Variants in DOCK8 observed in about 807,000 individuals in gnomAD.
DOCK8 encodes dedicator of cytokinesis 8.
Under a neutral mutation model 245.6 loss-of-function variants are expected in DOCK8, and 141 were observed. The observed-to-expected ratio is 0.57, with a 90% CI of 0.50 to 0.66. The LOEUF (loss-of-function observed/expected upper bound fraction) is 0.66. Ranked by LOEUF, DOCK8 falls within the 30% of genes least tolerant of loss-of-function variation. The pLI, the probability that DOCK8 is intolerant of heterozygous loss-of-function variation, is 0.00. For synonymous variants in DOCK8, 1,168 were observed against 970.2 expected (o/e 1.20, Z -3.79); for missense variants, 2,965 against 2,603.4 (o/e 1.14, Z -3.02).
intron 15 of DOCK8, chr9:369,898 C>T: frequency 2.9e-6 from 1 of 346,496 alleles, no homozygotes; most frequent in South Asian, 2.6e-5. Context: ...GCTTCCTAGG[C>T]TCAAGCGATC....
chr9:390,359 C>T (rs1318771835), intron 23 of DOCK8, 112 bp from the exon 24 acceptor site: 2 of 977,354 alleles, frequency 2.0e-6, no homozygotes, highest in African/African-American at 3.2e-5. Flanking sequence ...AAGACACATG[C>T]TTCAGGAACG....
At chr9:448,882 T>C (rs1421769734) in intron 44 of DOCK8, among the ~76,000 whole-genome samples, 1 of 152,174 alleles carries the variant, frequency 6.6e-6, no homozygotes, top group Non-Finnish European at 1.5e-5. Context: ...CAGAAAAGAC[T>C]CTACCCCAAA....
intron 26 of DOCK8, among the ~76,000 whole-genome samples, chr9:400,246 T>TTCA (rs2054798629): frequency 2.5e-5 from 1 of 40,238 alleles, no homozygotes; most frequent in Non-Finnish European, 4.7e-5. Flanking sequence ...CACCACCACC[T>TTCA]CCACCATCAC....
rs780984101 is a variant in DOCK8, at chr9:215,000, G to C, written c.24G>C (p.Glu8Asp). ...CCATGGCCACTCTGCCGAGCGCAGA[G>C]CGCCGCGCGTTCGCGCTCAAGATCA... Reference protein sequence around the residue: MATLPSAERRAFALKINR... With the variant: MATLPSADRRAFALKINR... The change falls in exon 1 of 48, where the codon GAG (glutamate) becomes GAC (aspartate). Residue 8 changes from glutamate (E) to aspartate (D), a missense_variant. By Grantham distance (45) the Glu-to-Asp change is conservative. Around this residue, in one of 3 missense-constraint regions of DOCK8, gnomAD observed 2,825 missense variants for 2,453.5 expected, o/e 1.15. Coordinates refer to ENST00000432829, the MANE Select transcript of DOCK8 (RefSeq NM_203447.4). 8.1e-6 allele frequency: 13 copies of C among 1,596,240 alleles called. No individual in the cohort carries two copies. In the Admixed American group the frequency reaches 1.9e-4, roughly 23 times the overall value.
At chr9:311,320 G>A (rs1005353252) in intron 5 of DOCK8, among the ~76,000 whole-genome samples, 2 of 149,842 alleles carry the variant, frequency 1.3e-5, no homozygotes, top group African/African-American at 4.9e-5. Flanking sequence ...CCTCACTGCA[G>A]CCTTGAACTC....
chr9:462,326 C>T (rs1037636851), intron 46 of DOCK8, among the ~76,000 whole-genome samples: 1 of 152,180 alleles, frequency 6.6e-6, no homozygotes, highest in Non-Finnish European at 1.5e-5. Flanking sequence ...ACATTTGTAA[C>T]TTATACTATG....
In DOCK8 at chr9:451,983, T is replaced by A. The variant is rs549394149; in HGVS notation, c.5962-28T>A. 4.0e-4 allele frequency: 45 copies of A among 112,212 alleles called. No individual in the cohort carries two copies. The East Asian group carries it at 4.9e-3, about 12-fold the overall frequency. 7.0% of individuals were successfully genotyped at this position (112,212 alleles called of 1,614,324 possible). A position where few individuals can be genotyped will look rare whatever the true frequency, so the allele number is the denominator to read the frequency against. ...TATATATATATATATATATATTTTT[T>A]TTTTTTTTTTTTTTTTTTTCCCACC... On this transcript the variant is annotated intron_variant, in intron 45 of 47. Transcript: ENST00000432829.
intron 33 of DOCK8, among the ~76,000 whole-genome samples, chr9:423,773 A>T (rs1319364282): frequency 1.3e-5 from 2 of 152,202 alleles, no homozygotes; most frequent in Admixed American, 6.5e-5. Context: ...AATGAACAAC[A>T]ACTACAAAAT....
chr9:439,159 T>C (rs2131792481), intron 39 of DOCK8, 86 bp from the exon 40 acceptor site: 9 of 1,562,226 alleles, frequency 5.8e-6, no homozygotes, highest in South Asian at 1.1e-5. Context: ...GCACACCAGC[T>C]TCCTCGTTTC....
Position 422,119 on chromosome 9 carries a change from A to G in DOCK8, c.4225A>G (p.Asn1409Asp), listed in dbSNP as rs1657021309. Residue 1409 changes from asparagine (N) to aspartate (D), a missense_variant, in exon 33 of 48, where the codon AAT (asparagine) becomes GAT (aspartate). By Grantham distance (23) the Asn-to-Asp change is conservative. This residue lies in a region of DOCK8 where 2,825 missense variants were observed against 2,453.5 expected (regional missense o/e 1.15). Coordinates refer to ENST00000432829, the MANE Select transcript of DOCK8 (RefSeq NM_203447.4). ...KKEQTHWRQANEKLDKTKAEL... is the reference protein window; with the variant it reads ...KKEQTHWRQADEKLDKTKAEL... ...AGAGCAGACACATTGGCGGCAAGCT[A>G]ATGAGAAGCTAGATAAGTGAGTCAC... 6.2e-7 allele frequency: 1 copy of G among 1,614,098 alleles called. No homozygotes were observed. The highest frequency in any genetic ancestry group is 8.5e-7 in the Non-Finnish European group (1 of 1,180,010).
In DOCK8 at chr9:426,942, A is replaced by G. The variant is rs759133807; in HGVS notation, c.4299A>G (p.Ala1433=). 1 of 1,614,184 alleles carries G rather than the reference A, an allele frequency of 6.2e-7. No individual in the cohort carries two copies. The highest frequency in any genetic ancestry group is 1.1e-5 in the South Asian group (1 of 91,078). ...TCAGTGGCAATCTGGCTACAGAAGC[A>G]CATTTAATCATCCTGGATATGCAGG... ...ALISGNLATE[A]HLIILDMQEN... is the part of the protein sequence containing the mutation. Residue 1433 remains alanine (A), a synonymous_variant, in exon 34 of 48, where the codon GCA becomes GCG. Transcript: ENST00000432829.
chr9:297,781 A>G (rs1210025492), intron 4 of DOCK8, among the ~76,000 whole-genome samples: 2 of 152,144 alleles, frequency 1.3e-5, no homozygotes, highest in African/African-American at 2.4e-5. Flanking sequence ...ACTTTCTGAG[A>G]TTTTTAAATG....
At chr9:432,032 G>A in intron 36 of DOCK8, 134 bp from the exon 37 acceptor site, 1 of 884,654 alleles carries the variant, frequency 1.1e-6, no homozygotes, top group Non-Finnish European at 1.8e-6. Flanking sequence ...ATTTCATTGA[G>A]AGAAGAGGAA....
At chr9:407,671 C>G (rs1011425031) in intron 28 of DOCK8, among the ~76,000 whole-genome samples, 1 of 152,156 alleles carries the variant, frequency 6.6e-6, no homozygotes, top group African/African-American at 2.4e-5. Context: ...TCTCCCTATG[C>G]TCCGTGAGCT....
chr9:235,218 G>T (rs1476399963), intron 1 of DOCK8, among the ~76,000 whole-genome samples: 1 of 152,170 alleles, frequency 6.6e-6, no homozygotes, highest in East Asian at 1.9e-4. Context: ...AGTGGATATT[G>T]GTGAACCGCA....
chr9:276,982 T>C (rs947055437), intron 2 of DOCK8: 2 of 323,940 alleles, frequency 6.2e-6, no homozygotes, highest in Middle Eastern at 5.6e-4. Context: ...AATTTTTGTA[T>C]TTTTTTTGTA....
chr9:319,785 A>AG (rs2050506470), intron 7 of DOCK8, among the ~76,000 whole-genome samples: 2 of 131,354 alleles, frequency 1.5e-5, no homozygotes, highest in African/African-American at 5.9e-5. Flanking sequence ...TTTGTAACAG[A>AG]AAAAAAAAAA....
intron 14 of DOCK8, among the ~76,000 whole-genome samples, chr9:351,593 T>A (rs893583597): frequency 1.3e-5 from 2 of 152,242 alleles, no homozygotes; most frequent in African/African-American, 4.8e-5. Context: ...CAAGTTATCT[T>A]CTGTGCAGGT....
At chr9:430,386 TAATA>T (rs1339011080) in intron 36 of DOCK8, among the ~76,000 whole-genome samples, 1 of 150,544 alleles carries the variant, frequency 6.6e-6, no homozygotes, top group Non-Finnish European at 1.5e-5. Flanking sequence ...AAAATAATAA[TAATA>T]AAATAAAATA....
Sources: allele counts gnomAD v4.1 joint callset (sites outside exome capture counted in the v4.1 genomes callset), GRCh38; gene constraint gnomAD v4.1.1; regional missense constraint gnomAD v4.1.1; transcripts MANE v1.5; gene names NCBI Gene and HGNC (gene_info 2026-07-23, HGNC 2026-07-21).